The following FSTL5 variants were observed in gnomAD, a reference collection of about 807,000 sequenced individuals.
The protein encoded by FSTL5 is follistatin like 5, also known as follistatin-related protein 5.
In FSTL5, 62 loss-of-function variants were observed where a neutral mutation model predicts 89.1. That is an observed-to-expected ratio of 0.70 (90% CI 0.57 to 0.86). The LOEUF is 0.86. Among genes scored for constraint, FSTL5 ranks in the 40% least tolerant of loss-of-function variants. The pLI is 0.00. For missense variants in FSTL5, 1,057 were observed against 1,001.6 expected, an observed-to-expected ratio of 1.06 and a Z score of -0.75; for synonymous variants, 383 against 346.2, an observed-to-expected ratio of 1.11 and a Z score of -1.18.
At chr4:162,038,066 T>C (rs956196599) in intron 2 of FSTL5, among the ~76,000 whole-genome samples, 1 of 151,936 alleles carries the variant, frequency 6.6e-6, no homozygotes, top group African/African-American at 2.4e-5. Flanking sequence ...TGAAAAACAT[T>C]CTTACATTAG....
At chr4:161,813,220 G>T (rs1346426177) in intron 4 of FSTL5, among the ~76,000 whole-genome samples, 1 of 151,858 alleles carries the variant, frequency 6.6e-6, no homozygotes, top group African/African-American at 2.4e-5. Context: ...TAGTACAGAC[G>T]GGGTTTCACC....
At chr4:161,612,112 A>G (rs1235122220) in intron 7 of FSTL5, among the ~76,000 whole-genome samples, 2 of 152,234 alleles carry the variant, frequency 1.3e-5, no homozygotes, top group African/African-American at 4.8e-5. Context: ...AATAATTAAC[A>G]ACTTATATTG....
At chr4:161,558,350 C>A (rs188341373) in intron 8 of FSTL5, among the ~76,000 whole-genome samples, 2 of 151,958 alleles carry the variant, frequency 1.3e-5, no homozygotes, top group East Asian at 1.9e-4. Context: ...ATATGGCAAT[C>A]TAATGTGCTA....
At chr4:162,143,560 T>A (rs931982893) in intron 1 of FSTL5, among the ~76,000 whole-genome samples, 1 of 152,132 alleles carries the variant, frequency 6.6e-6, no homozygotes, top group Admixed American at 6.6e-5. Context: ...TATTATTTTC[T>A]GTTTTTCTCT....
At position 161,717,931 on chromosome 4, in the gene FSTL5, G is replaced by C. The variant is rs149480506; in HGVS notation, c.727+41480C>G. 1.4e-3 allele frequency among the ~76,000 whole-genome samples: 206 copies of C among 152,126 alleles called. 1 individual carries two copies. Among genetic ancestry groups the C allele is most frequent in the Admixed American group, 0.012 (177 of 15,282 alleles). Reference sequence around the variant, plus strand: ...CATATTTGATAATGCAACACAACTAGGTCTGGGAAATATTCATTCTGTAAT... The same window carrying C: ...CATATTTGATAATGCAACACAACTACGTCTGGGAAATATTCATTCTGTAAT... On this transcript the variant is annotated intron_variant, in intron 6 of 15. Coordinates refer to ENST00000306100, the MANE Select transcript of FSTL5 (RefSeq NM_020116.5).
rs142977448 is a variant in FSTL5, at chr4:161,684,013, C to T, written c.728-27519G>A. 5.9e-3 allele frequency among the ~76,000 whole-genome samples: 904 copies of T among 152,256 alleles called. 11 individuals are homozygous for T. Among genetic ancestry groups the T allele is most frequent in the South Asian group, 0.047 (226 of 4,826 alleles). ...ACATACGATGTTTGACTTTTCATTC[C>T]GGAGTTACTTCACTTGCAATAATAG... is the stretch of plus-strand genomic sequence containing the variant. On this transcript the variant is annotated intron_variant, in intron 6 of 15. Coordinates refer to ENST00000306100, the MANE Select transcript of FSTL5 (RefSeq NM_020116.5).
chr4:161,513,285 GAGA>G (rs1730712182), intron 10 of FSTL5, among the ~76,000 whole-genome samples: 1 of 135,132 alleles, frequency 7.4e-6, no homozygotes, highest in Non-Finnish European at 1.6e-5. Context: ...GAGAGAGAGA[GAGA>G]GAGAGAGAGA....
chr4:161,501,717 G>A (rs28615180), intron 11 of FSTL5, among the ~76,000 whole-genome samples: 2,573 of 151,936 alleles, frequency 0.017, 66 homozygotes, highest in African/African-American at 0.058. Context: ...GCAAGCAATA[G>A]ACTCAAGTCA....
intron 4 of FSTL5, among the ~76,000 whole-genome samples, chr4:161,910,323 A>G (rs1012745575): frequency 2.6e-5 from 4 of 152,078 alleles, no homozygotes; most frequent in Admixed American, 6.6e-5. Context: ...CATCTTAACT[A>G]TACAGTCCCT....
At chr4:162,073,404 C>T (rs922373137) in intron 2 of FSTL5, among the ~76,000 whole-genome samples, 4 of 151,340 alleles carry the variant, frequency 2.6e-5, no homozygotes, top group African/African-American at 7.3e-5. Context: ...ATTGAAAACA[C>T]CACAGTAAAG....
At chr4:161,873,255 A>C (rs1732332254) in intron 4 of FSTL5, among the ~76,000 whole-genome samples, 1 of 152,076 alleles carries the variant, frequency 6.6e-6, no homozygotes, top group South Asian at 2.1e-4. Flanking sequence ...AAAGGATAGA[A>C]TAGTTGCTTG....
At chr4:161,829,421 A>C (rs1368510643) in intron 4 of FSTL5, among the ~76,000 whole-genome samples, 1 of 151,736 alleles carries the variant, frequency 6.6e-6, no homozygotes, top group East Asian at 1.9e-4. Flanking sequence ...ATAAAAAAAT[A>C]AACCACTGGA....
chr4:161,895,284 T>C (rs1214000798), intron 4 of FSTL5, among the ~76,000 whole-genome samples: 2 of 152,242 alleles, frequency 1.3e-5, no homozygotes, highest in African/African-American at 4.8e-5. Context: ...AAATAATGTA[T>C]GTTTACAGTT....
chr4:161,932,397 A>C (rs1578871599), intron 3 of FSTL5, among the ~76,000 whole-genome samples: 1 of 151,758 alleles, frequency 6.6e-6, no homozygotes, highest in East Asian at 1.9e-4. Context: ...ATAAGCTTTG[A>C]TACTTATCTG....
intron 15 of FSTL5, among the ~76,000 whole-genome samples, chr4:161,417,686 G>A (rs965314083): frequency 3.3e-5 from 5 of 152,104 alleles, no homozygotes; most frequent in African/African-American, 9.7e-5. Context: ...TGTAAGATAC[G>A]AATATAAATA....
At chr4:161,414,650 T>C (rs1731710930) in intron 15 of FSTL5, among the ~76,000 whole-genome samples, 1 of 152,194 alleles carries the variant, frequency 6.6e-6, no homozygotes. Context: ...AATGTATTTA[T>C]CATTTAAGCC....
At chr4:162,155,621 C>T (rs1733436779) in intron 1 of FSTL5, among the ~76,000 whole-genome samples, 1 of 152,136 alleles carries the variant, frequency 6.6e-6, no homozygotes, top group African/African-American at 2.4e-5. Flanking sequence ...TTTACTGCAA[C>T]AAAAACTGCA....
At chr4:162,163,545 TA>T (rs957142735) in intron 1 of FSTL5, 69 bp downstream of exon 1, 1 of 150,756 alleles carries the variant, frequency 6.6e-6, no homozygotes, top group African/African-American at 2.4e-5. Flanking sequence ...AACTTGTTTT[TA>T]AATTTTTGTA....
chr4:161,762,213 G>T (rs1740833439), intron 5 of FSTL5, among the ~76,000 whole-genome samples: 1 of 152,082 alleles, frequency 6.6e-6, no homozygotes, highest in African/African-American at 2.4e-5. Context: ...TGTCGCCCAG[G>T]CTAGAGTGCA....
Sources: allele counts gnomAD v4.1 joint callset (sites outside exome capture counted in the v4.1 genomes callset), GRCh38; gene constraint gnomAD v4.1.1; transcripts MANE v1.5; gene names NCBI Gene and HGNC (gene_info 2026-07-23, HGNC 2026-07-21).